The following DAB1 variants were observed in gnomAD, a reference collection of about 807,000 sequenced individuals.
DAB1 encodes disabled homolog 1.
Under a neutral mutation model 64.6 loss-of-function variants are expected in DAB1, and 15 were observed. The observed-to-expected ratio is 0.23, with a 90% CI of 0.16 to 0.36. DAB1 has a LOEUF of 0.36. Among genes scored for constraint, DAB1 ranks in the 10% least tolerant of loss-of-function variants. The pLI is 1.00. For missense variants in DAB1, 596 were observed against 706.7 expected (o/e 0.84, Z 1.78); for synonymous variants, 235 against 251.9 (o/e 0.93, Z 0.64).
chr1:57,891,202 AT>A, intron 5 of DAB1, among the ~76,000 whole-genome samples: 1 of 152,358 alleles, frequency 6.6e-6, no homozygotes, highest in East Asian at 1.9e-4. Context: ...TGGGTGAAGG[AT>A]ATGAACAGAC....
intron 2 of DAB1, among the ~76,000 whole-genome samples, chr1:57,234,661 A>G (rs1035857229): frequency 6.6e-6 from 1 of 152,214 alleles, no homozygotes. Context: ...AAGTCCAGGC[A>G]GGCTCAACAA....
intron 2 of DAB1, among the ~76,000 whole-genome samples, chr1:57,166,108 A>T (rs1348547237): frequency 6.6e-6 from 1 of 152,236 alleles, no homozygotes; most frequent in Non-Finnish European, 1.5e-5. Context: ...GGTAATAAAC[A>T]TCATAATGGA....
At chr1:58,495,144 T>C (rs908452134) in intron 3 of DAB1, among the ~76,000 whole-genome samples, 5 of 152,070 alleles carry the variant, frequency 3.3e-5, no homozygotes, top group African/African-American at 1.2e-4. Context: ...CTGGAAACCA[T>C]CATTCTCAGC....
In DAB1 at chr1:57,781,114, CTCTCTCTCTCTCTATATATA is replaced by C. The variant is rs1252290767; in HGVS notation, n.551+102865_551+102884del. On this transcript the variant is annotated intron_variant and non_coding_transcript_variant, in intron 6 of 20. Coordinates refer to the DAB1 transcript ENST00000485760. ...TCTCTCTCTCTCTCTCTCTCTCTCT[CTCTCTCTCTCTCTATATATA>C]TATATATATATATATATATATATAT... Among the ~76,000 whole-genome samples, 3 of 62,764 alleles carry C rather than the reference CTCTCTCTCTCTCTATATATA, an allele frequency of 4.8e-5. No homozygotes were observed. In the East Asian group the frequency reaches 1.2e-3, roughly 25 times the overall value. The allele number at this position is 62,764 out of a possible 152,430, so 41.2% of individuals were successfully genotyped here.
At chr1:58,150,571 A>G (rs1419877646) in exon 5 of DAB1, 1 of 147,736 alleles carries the variant, frequency 6.8e-6, no homozygotes, top group Non-Finnish European at 1.5e-5. Flanking sequence ...TTTAGGTAAA[A>G]TACGAAGACT....
At chr1:58,420,431 T>G in intron 3 of DAB1, among the ~76,000 whole-genome samples, 1 of 152,218 alleles carries the variant, frequency 6.6e-6, no homozygotes, top group East Asian at 1.9e-4. Flanking sequence ...CCATCAGGTC[T>G]TTCTCTCATC....
intron 4 of DAB1, among the ~76,000 whole-genome samples, chr1:58,252,022 ACT>A (rs1297506758): frequency 6.6e-6 from 1 of 152,152 alleles, no homozygotes; most frequent in Non-Finnish European, 1.5e-5. Context: ...TTCTCCTACC[ACT>A]CTCTGAGTAT....
intron 1 of DAB1, among the ~76,000 whole-genome samples, chr1:57,338,865 G>A (rs1361511035): frequency 1.3e-5 from 2 of 152,134 alleles, no homozygotes; most frequent in East Asian, 3.9e-4. Flanking sequence ...TTACTGAGAG[G>A]AACAAATGAA....
intron 7 of DAB1, among the ~76,000 whole-genome samples, chr1:57,524,538 G>A (rs987483250): frequency 2.6e-5 from 4 of 152,170 alleles, no homozygotes; most frequent in East Asian, 1.9e-4. Flanking sequence ...TACAGGTTTT[G>A]GGATAGGCGA....
intron 7 of DAB1, among the ~76,000 whole-genome samples, chr1:57,620,577 G>A (rs1645845328): frequency 6.6e-6 from 1 of 152,202 alleles, no homozygotes; most frequent in Non-Finnish European, 1.5e-5. Flanking sequence ...GAGAGTGAAG[G>A]GAAGGGGTTG....
At chr1:57,427,151 C>T (rs1016654519), upstream of DAB1, among the ~76,000 whole-genome samples, 2 of 152,192 alleles carry the variant, frequency 1.3e-5, no homozygotes, top group Non-Finnish European at 2.9e-5. Context: ...GCGTGAGCCA[C>T]CACGCCCGGC....
At chr1:57,808,670 T>C (rs1384299045) in intron 6 of DAB1, among the ~76,000 whole-genome samples, 1 of 152,244 alleles carries the variant, frequency 6.6e-6, no homozygotes, top group Admixed American at 6.5e-5. Context: ...AATTGGTCCA[T>C]GCTATATTAG....
At chr1:57,260,105 G>A (rs765421264) in intron 2 of DAB1, among the ~76,000 whole-genome samples, 3 of 152,052 alleles carry the variant, frequency 2.0e-5, no homozygotes, top group Non-Finnish European at 4.4e-5. Flanking sequence ...AGCCTGCCCC[G>A]CTAGTGTAGA....
rs1645616693 is a variant in DAB1, at chr1:57,964,896, G to A, written n.388-80734C>T. 3.3e-5 allele frequency among the ~76,000 whole-genome samples: 5 copies of A among 152,058 alleles called. No homozygotes were observed. The South Asian group carries it at 1.0e-3, about 32-fold the overall frequency. On this transcript the variant is annotated intron_variant and non_coding_transcript_variant, in intron 5 of 20. Coordinates refer to the DAB1 transcript ENST00000485760. Reference sequence around the variant, plus strand: ...AAACAGTGAACTGGGATGGAATAAGGCAAATAAAGGTAGACATTATTTGCT... The same window carrying A: ...AAACAGTGAACTGGGATGGAATAAGACAAATAAAGGTAGACATTATTTGCT...
At chr1:58,203,729 T>C (rs949097094) in intron 4 of DAB1, among the ~76,000 whole-genome samples, 1 of 152,200 alleles carries the variant, frequency 6.6e-6, no homozygotes, top group African/African-American at 2.4e-5. Flanking sequence ...CTATGTCATA[T>C]AACATTGATC....
chr1:57,046,891 A>G (rs1344160306), intron 9 of DAB1, among the ~76,000 whole-genome samples: 1 of 152,206 alleles, frequency 6.6e-6, no homozygotes, highest in Non-Finnish European at 1.5e-5. Flanking sequence ...TCTGTTTGAA[A>G]TCTCACATGT....
chr1:57,885,896 A>T (rs1331818973), upstream of DAB1, among the ~76,000 whole-genome samples: 1 of 152,224 alleles, frequency 6.6e-6, no homozygotes, highest in Non-Finnish European at 1.5e-5. Flanking sequence ...AAACCAAAAT[A>T]TAAACAGTAC....
At chr1:57,960,583 T>G (rs1440510284) in intron 5 of DAB1, among the ~76,000 whole-genome samples, 1 of 152,218 alleles carries the variant, frequency 6.6e-6, no homozygotes, top group Non-Finnish European at 1.5e-5. Context: ...AATACTATTT[T>G]TATTCAGTAG....
At chr1:57,928,936 C>G (rs1644917275) in intron 5 of DAB1, among the ~76,000 whole-genome samples, 1 of 152,194 alleles carries the variant, frequency 6.6e-6, no homozygotes, top group Non-Finnish European at 1.5e-5. Context: ...GTGTTTTCAA[C>G]TCATTTGAGT....
Sources: allele counts gnomAD v4.1 joint callset (sites outside exome capture counted in the v4.1 genomes callset), GRCh38; gene constraint gnomAD v4.1.1; transcripts MANE v1.5; gene names NCBI Gene and HGNC (gene_info 2026-07-23, HGNC 2026-07-21).